Variants in PTPRD observed in about 807,000 individuals in gnomAD.
PTPRD encodes the protein receptor-type tyrosine-protein phosphatase delta.
In PTPRD, 34 loss-of-function variants were observed where a neutral mutation model predicts 214.5. That is an observed-to-expected ratio of 0.16 (90% confidence interval 0.12 to 0.21). The LOEUF is 0.21. PTPRD is among the 10% of genes least tolerant of loss of function. The probability of loss-of-function intolerance (pLI) is 1.00; values close to 1 mark genes in which losing one functional copy is unlikely to be tolerated. For missense variants in PTPRD, 2,545 were observed against 2,398.7 expected, an observed-to-expected ratio of 1.06 and a Z score of -1.27; for synonymous variants, 1,128 against 845.7, an observed-to-expected ratio of 1.33 and a Z score of -5.79.
chr9:8,789,398 C>A (rs962690923), intron 11 of PTPRD, among the ~76,000 whole-genome samples: 10 of 152,166 alleles, frequency 6.6e-5, no homozygotes, highest in African/African-American at 2.2e-4. Flanking sequence ...AGCTCAGGAA[C>A]TGTTAGTAGC....
intron 34 of PTPRD, among the ~76,000 whole-genome samples, chr9:8,439,935 ATTTTTTTTTTTTTTT>A (rs1166530719): frequency 1.4e-4 from 10 of 73,310 alleles, no homozygotes; most frequent in East Asian, 4.9e-4. Context: ...ATGTGCTTTA[ATTTTTTTTTTTTTTT>A]TTTTTTTTTT....
At chr9:8,589,968 C>T (rs2093973423) in intron 14 of PTPRD, among the ~76,000 whole-genome samples, 1 of 152,128 alleles carries the variant, frequency 6.6e-6, no homozygotes, top group Admixed American at 6.6e-5. Flanking sequence ...CTTGCGTTCA[C>T]TTGGTCAACT....
At chr9:10,113,374 G>C (rs1591503754) in intron 3 of PTPRD, among the ~76,000 whole-genome samples, 1 of 152,192 alleles carries the variant, frequency 6.6e-6, no homozygotes, top group African/African-American at 2.4e-5. Context: ...AATGAAGTCA[G>C]GTACTTATCA....
chr9:8,474,769 C>T (rs1395951549), intron 30 of PTPRD, among the ~76,000 whole-genome samples: 1 of 152,146 alleles, frequency 6.6e-6, no homozygotes, highest in African/African-American at 2.4e-5. Flanking sequence ...CAAGAATTCC[C>T]TCATCATCTG....
chr9:8,521,595 G>C (rs757254506), intron 19 of PTPRD, 49 bp from the exon 20 acceptor site: 1 of 1,585,638 alleles, frequency 6.3e-7, no homozygotes, highest in Admixed American at 1.7e-5. Flanking sequence ...GCAAGAAAAA[G>C]TGGATTATTA....
At chr9:10,587,164 C>T (rs773773106) in intron 2 of PTPRD, among the ~76,000 whole-genome samples, 4 of 151,984 alleles carry the variant, frequency 2.6e-5, no homozygotes, top group Admixed American at 2.6e-4. Context: ...AATACACAAA[C>T]AAGTCAAAGA....
chr9:10,190,412 A>C (rs1215588588), intron 3 of PTPRD, among the ~76,000 whole-genome samples: 39 of 78,042 alleles, frequency 5.0e-4, no homozygotes, highest in East Asian at 1.2e-3. Context: ...AAAAAAAAAA[A>C]AAAAAAAACA....
chr9:9,931,908 G>A lies in PTPRD; in HGVS notation c.-368+6599C>T, dbSNP rs567634826. Reference sequence around the variant, plus strand: ...AACGGGCAGACTGCCTCCTCAAGTGGGTCCCTGACCCCTGACCCCCGAGCA... The same window carrying A: ...AACGGGCAGACTGCCTCCTCAAGTGAGTCCCTGACCCCTGACCCCCGAGCA... On this transcript the variant is annotated intron_variant, in intron 5 of 45. Transcript: ENST00000381196. Among the ~76,000 whole-genome samples, 431 of 151,290 alleles carry A rather than the reference G, an allele frequency of 2.8e-3. 2 individuals are homozygous for A. The highest frequency in any genetic ancestry group is 9.9e-3 in the African/African-American group (405 of 41,074).
chr9:10,141,304 T>A (rs1336665221), intron 3 of PTPRD, among the ~76,000 whole-genome samples: 1 of 152,090 alleles, frequency 6.6e-6, no homozygotes, highest in African/African-American at 2.4e-5. Context: ...AAAGAGGAAG[T>A]CAAATTGTCC....
At chr9:10,018,207 G>A (rs1184066702) in intron 4 of PTPRD, among the ~76,000 whole-genome samples, 1 of 152,014 alleles carries the variant, frequency 6.6e-6, no homozygotes, top group Non-Finnish European at 1.5e-5. Context: ...GAGAGAGAAG[G>A]AGTAGGAGGA....
At chr9:10,506,558 T>C (rs1235266156) in intron 2 of PTPRD, among the ~76,000 whole-genome samples, 6 of 152,144 alleles carry the variant, frequency 3.9e-5, no homozygotes, top group South Asian at 2.1e-4. Context: ...TTATTATGCA[T>C]TGTATACCTA....
At chr9:8,385,290 GC>G (rs1182690287) in intron 37 of PTPRD, among the ~76,000 whole-genome samples, 4 of 152,168 alleles carry the variant, frequency 2.6e-5, no homozygotes, top group African/African-American at 9.7e-5. Flanking sequence ...ACTTTGGGGG[GC>G]CAAGGTGGAA....
At chr9:10,392,852 G>A (rs1338761120) in intron 2 of PTPRD, among the ~76,000 whole-genome samples, 2 of 151,964 alleles carry the variant, frequency 1.3e-5, no homozygotes, top group East Asian at 3.9e-4. Context: ...GACATTTGCT[G>A]GAATAGAAAG....
chr9:10,364,914 G>C (rs2097485160), intron 2 of PTPRD, among the ~76,000 whole-genome samples: 1 of 152,146 alleles, frequency 6.6e-6, no homozygotes, highest in Non-Finnish European at 1.5e-5. Context: ...GTAAGAGAAA[G>C]TAAACATATC....
intron 12 of PTPRD, among the ~76,000 whole-genome samples, chr9:8,670,017 C>G (rs979339271): frequency 6.8e-6 from 1 of 148,006 alleles, no homozygotes; most frequent in Non-Finnish European, 1.5e-5. Context: ...TGTTTTCTGC[C>G]TCTTTTTTTT....
At chr9:9,404,340 G>C (rs946245209) in intron 8 of PTPRD, among the ~76,000 whole-genome samples, 1 of 152,116 alleles carries the variant, frequency 6.6e-6, no homozygotes, top group African/African-American at 2.4e-5. Context: ...GCAAGAGCTG[G>C]TAGTGGTTTA....
chr9:9,738,117 G>A (rs1055483181), intron 6 of PTPRD, among the ~76,000 whole-genome samples: 2 of 152,100 alleles, frequency 1.3e-5, no homozygotes, highest in Non-Finnish European at 2.9e-5. Flanking sequence ...TGGGGGGATG[G>A]GGGAGGGATA....
intron 3 of PTPRD, among the ~76,000 whole-genome samples, chr9:10,253,336 C>T (rs1409243135): frequency 6.6e-6 from 1 of 152,100 alleles, no homozygotes; most frequent in Non-Finnish European, 1.5e-5. Flanking sequence ...TGCCATAGTA[C>T]CAGCAATTTT....
chr9:10,078,514 TA>T (rs71485315), intron 3 of PTPRD, among the ~76,000 whole-genome samples: 15,054 of 78,820 alleles, frequency 0.19, 1,636 homozygotes, highest in African/African-American at 0.41. Context: ...AGACTCCATC[TA>T]AAAAAAAAAA....
Sources: gnomAD v4.1 joint callset for allele counts (sites outside exome capture counted in the v4.1 genomes callset) on GRCh38, gnomAD v4.1.1 for gene constraint, MANE v1.5 for transcripts, NCBI Gene and HGNC (gene_info 2026-07-23, HGNC 2026-07-21) for gene names.